The following COL24A1 variants were observed in gnomAD, a reference collection of about 807,000 sequenced individuals.
COL24A1 encodes collagen type XXIV alpha 1 chain, also known as collagen alpha-1(XXIV) chain.
Under a neutral mutation model 253.9 loss-of-function variants are expected in COL24A1, and 224 were observed. The ratio of observed to expected loss-of-function variants is 0.88; its 90% CI spans 0.79 to 0.99. The LOEUF (loss-of-function observed/expected upper bound fraction) is 0.99, where lower values mean the gene tolerates loss of function less well. Ranked by LOEUF, COL24A1 falls within the 50% of genes least tolerant of loss-of-function variation. The pLI is 0.00. For missense variants in COL24A1, 2,131 were observed against 2,068.5 expected (o/e 1.03, Z -0.59); for synonymous variants, 685 against 673.7 (o/e 1.02, Z -0.26).
intron 19 of COL24A1, among the ~76,000 whole-genome samples, chr1:86,016,206 G>T (rs1375785591): frequency 6.6e-6 from 1 of 151,854 alleles, no homozygotes; most frequent in Admixed American, 6.6e-5. Flanking sequence ...AATGTGTTTT[G>T]AAATCATACA....
At chr1:86,015,883 C>CTTTT (rs34005326) in intron 19 of COL24A1, among the ~76,000 whole-genome samples, 3 of 136,204 alleles carry the variant, frequency 2.2e-5, no homozygotes, top group South Asian at 2.4e-4. Context: ...TCTACTTTTT[C>CTTTT]TTTTTTTTTT....
Position 85,734,891 on chromosome 1 carries a change from G to T in COL24A1, c.4856C>A (p.Thr1619Asn). ...CCTTGGGGTGTTTAGACAGTGAATG[G>T]TGATGATATGGGTGGCTTCCGAACT... ...LLSSEATHII[T>N]IHCLNTPRWT... The change falls in exon 59 of 60, where the codon ACC becomes AAC. Residue 1619 changes from threonine (T) to asparagine (N), a missense_variant. Thr to Asn is a moderately conservative substitution (Grantham distance 65). Coordinates refer to ENST00000370571, the MANE Select transcript of COL24A1 (RefSeq NM_152890.7). The T allele has an allele frequency of 1.2e-6, 2 of 1,614,204 alleles. No homozygotes were observed. Among genetic ancestry groups the T allele is most frequent in the African/African-American group, 1.3e-5 (1 of 75,044 alleles).
intron 19 of COL24A1, among the ~76,000 whole-genome samples, chr1:85,989,295 T>C (rs1694010125): frequency 6.6e-6 from 1 of 152,142 alleles, no homozygotes; most frequent in Admixed American, 6.6e-5. Flanking sequence ...GCCAAAAATC[T>C]GTATAACAGA....
At chr1:85,997,336 TCTTCAATCTGC>T (rs1231225019) in intron 19 of COL24A1, among the ~76,000 whole-genome samples, 20 of 151,936 alleles carry the variant, frequency 1.3e-4, no homozygotes, top group Admixed American at 1.3e-3. Context: ...AGAGGACATG[TCTTCAATCTGC>T]TAAAAATCTC....
At position 86,059,312 on chromosome 1, in the gene COL24A1, C is replaced by T. The variant is rs1456203154; in HGVS notation, c.1753-138G>A. The T allele has an allele frequency of 2.0e-4, 100 of 500,532 alleles. No individual in the cohort carries two copies. The East Asian group carries it at 3.4e-3, about 17-fold the overall frequency. The allele number at this position is 500,532 out of a possible 1,614,324, so 31.0% of individuals were successfully genotyped here. A position where few individuals can be genotyped will look rare whatever the true frequency, so the allele number is the denominator to read the frequency against. On this transcript the variant is annotated intron_variant, in intron 8 of 59. Coordinates refer to ENST00000370571, the MANE Select transcript of COL24A1 (RefSeq NM_152890.7). ...CACATGGCTTATGTAACTGAAATCA[C>T]CTACGTGAAGGAAAATGGACAAAAA... is the stretch of plus-strand genomic sequence containing the variant.
chr1:86,025,821 T>C (rs1697975888), intron 14 of COL24A1, among the ~76,000 whole-genome samples: 1 of 152,190 alleles, frequency 6.6e-6, no homozygotes, highest in African/African-American at 2.4e-5. Context: ...CCATCTTCTG[T>C]GTATTTGAAC....
chr1:86,103,867 T>C (rs968782944), intron 5 of COL24A1, among the ~76,000 whole-genome samples: 1 of 152,188 alleles, frequency 6.6e-6, no homozygotes, highest in Non-Finnish European at 1.5e-5. Flanking sequence ...GTCTTGGGGA[T>C]GATCTTCTTG....
intron 52 of COL24A1, among the ~76,000 whole-genome samples, chr1:85,775,988 C>G (rs995555422): frequency 6.6e-6 from 1 of 152,078 alleles, no homozygotes; most frequent in Admixed American, 6.6e-5. Context: ...TAAGTCAAAA[C>G]AGCTTATCTG....
At chr1:85,911,739 C>G (rs1204942168) in intron 24 of COL24A1, among the ~76,000 whole-genome samples, 1 of 152,092 alleles carries the variant, frequency 6.6e-6, no homozygotes, top group Non-Finnish European at 1.5e-5. Flanking sequence ...TATAAAACCC[C>G]TGACGTTTTC....
chr1:85,744,878 G>T, intron 56 of COL24A1, 44 bp from the exon 57 acceptor site: 2 of 1,489,126 alleles, frequency 1.3e-6, no homozygotes, highest in Non-Finnish European at 1.9e-6. Flanking sequence ...AAAATCCTGA[G>T]GACCAACATG....
chr1:85,926,155 C>A (rs1687185368), intron 24 of COL24A1, among the ~76,000 whole-genome samples: 1 of 152,106 alleles, frequency 6.6e-6, no homozygotes, highest in African/African-American at 2.4e-5. Context: ...GAATGGCGAT[C>A]ATTAAAAAGT....
At chr1:85,956,086 A>G (rs1336458065) in intron 24 of COL24A1, among the ~76,000 whole-genome samples, 1 of 152,212 alleles carries the variant, frequency 6.6e-6, no homozygotes, top group Non-Finnish European at 1.5e-5. Flanking sequence ...CGGAAGATAA[A>G]AATTTTGGAT....
At chr1:85,944,961 G>C (rs1571319144) in intron 24 of COL24A1, among the ~76,000 whole-genome samples, 2 of 132,264 alleles carry the variant, frequency 1.5e-5, no homozygotes, top group South Asian at 4.9e-4. Context: ...GTATTCCATG[G>C]TGTATATGTG....
At position 86,103,138 on chromosome 1, in the gene COL24A1, C is replaced by T. The variant is rs553430932; in HGVS notation, c.1599+9429G>A. Among the ~76,000 whole-genome samples, 7 of 152,116 alleles carry T rather than the reference C, an allele frequency of 4.6e-5. No individual in the cohort carries two copies. The South Asian group carries it at 1.0e-3, about 23-fold the overall frequency. On this transcript the variant is annotated intron_variant, in intron 5 of 59. Transcript: ENST00000370571. ...GAACCTTTTACCATTATATAATGCC[C>T]TTCTTTGTCTTTTTTGATATTTGCT...
chr1:86,147,420 C>T (rs2135808), intron 1 of COL24A1, among the ~76,000 whole-genome samples: 118,808 of 152,198 alleles, frequency 0.78, 47,301 homozygotes, highest in Non-Finnish European at 0.86. Flanking sequence ...GACAAGGTTT[C>T]GATAGAATAC....
chr1:85,848,464 C>A (rs538020680), intron 38 of COL24A1, among the ~76,000 whole-genome samples: 26 of 152,262 alleles, frequency 1.7e-4, no homozygotes, highest in Admixed American at 3.3e-4. Flanking sequence ...CACCCATCAA[C>A]ACGTCCAGTT....
chr1:85,786,439 C>T lies in COL24A1; in HGVS notation c.3974G>A (p.Arg1325Lys). The T allele has an allele frequency of 1.9e-6, 3 of 1,613,702 alleles. No homozygotes were observed. Among genetic ancestry groups the T allele is most frequent in the Non-Finnish European group, 1.7e-6 (2 of 1,179,802 alleles). ...ACCTGGAGCCCCAGCAAGACCTGTT[C>T]TTCCTGGGCCGCCTCTGATGCCCTA... ...GLPGIRGGPG[R>K]TGLAGAPGPP... The change falls in exon 48 of 60, where the codon AGA becomes AAA. Residue 1325 changes from arginine to lysine, a missense_variant. Arg to Lys is a conservative substitution (Grantham distance 26). Transcript: ENST00000370571.
intron 1 of COL24A1, among the ~76,000 whole-genome samples, chr1:86,150,548 A>G (rs1181156561): frequency 6.6e-6 from 1 of 152,188 alleles, no homozygotes; most frequent in African/African-American, 2.4e-5. Flanking sequence ...CTGCTATGGT[A>G]GCATATATGG....
intron 37 of COL24A1, among the ~76,000 whole-genome samples, chr1:85,851,952 T>C (rs932613124): frequency 1.3e-5 from 2 of 152,214 alleles, no homozygotes; most frequent in South Asian, 2.1e-4. Flanking sequence ...CTGTTTCTTT[T>C]AGTGCTTTGT....
Sources: allele counts gnomAD v4.1 joint callset (sites outside exome capture counted in the v4.1 genomes callset), GRCh38; gene constraint gnomAD v4.1.1; transcripts MANE v1.5; gene names NCBI Gene and HGNC (gene_info 2026-07-23, HGNC 2026-07-21).